CDYL2: variants seen among roughly 807,000 people sequenced by gnomAD.
The protein encoded by CDYL2 is chromodomain Y-like protein 2.
A neutral mutation model predicts 49.4 loss-of-function variants in CDYL2; 23 were observed. The observed-to-expected ratio is 0.47, with a 90% CI of 0.34 to 0.66. CDYL2 has a LOEUF of 0.66. Ranked by LOEUF, CDYL2 falls within the 30% of genes least tolerant of loss-of-function variation. The pLI, the probability that CDYL2 is intolerant of heterozygous loss-of-function variation, is 0.01. For synonymous variants in CDYL2, 360 were observed against 268.8 expected, an observed-to-expected ratio of 1.34 and a Z score of -3.32; for missense variants, 678 against 656.4, an observed-to-expected ratio of 1.03 and a Z score of -0.36.
intron 2 of CDYL2, among the ~76,000 whole-genome samples, chr16:80,669,644 G>A (rs1399424913): frequency 1.3e-5 from 2 of 152,128 alleles, no homozygotes; most frequent in Non-Finnish European, 1.5e-5. Context: ...CAGGAGGGTC[G>A]GTGGGCAAGA....
At chr16:80,739,796 A>G (rs541221988) in intron 1 of CDYL2, among the ~76,000 whole-genome samples, 105 of 152,304 alleles carry the variant, frequency 6.9e-4, no homozygotes, top group Non-Finnish European at 1.2e-3. Flanking sequence ...CCTGCCAATC[A>G]GGGAAACTCC....
At chr16:80,661,312 T>C (rs972852662) in intron 2 of CDYL2, among the ~76,000 whole-genome samples, 2 of 142,436 alleles carry the variant, frequency 1.4e-5, no homozygotes, top group Admixed American at 1.4e-4. Flanking sequence ...TATGGGCAGC[T>C]GGAGTAGAAG....
At chr16:80,609,090 C>A (rs1292564123) in intron 5 of CDYL2, among the ~76,000 whole-genome samples, 2 of 152,152 alleles carry the variant, frequency 1.3e-5, no homozygotes, top group Non-Finnish European at 2.9e-5. Flanking sequence ...GGTCTGGTGA[C>A]CTGGGATATC....
rs117895122 is a variant in CDYL2 at position 80,759,727 on chromosome 16, A to G, written c.24+44423T>C. 2.0e-5 allele frequency among the ~76,000 whole-genome samples: 3 copies of G among 152,354 alleles called. No homozygotes were observed. The East Asian group carries it at 5.8e-4, about 29-fold the overall frequency. On this transcript the variant is annotated intron_variant, in intron 1 of 6. Coordinates refer to ENST00000570137, the MANE Select transcript of CDYL2 (RefSeq NM_152342.4). ...GTGCATGAGGAAGAACTGCATTGAGAAAAAGTCAACACACGACTGCATAAC... is the reference window on the plus strand; with the variant it reads ...GTGCATGAGGAAGAACTGCATTGAGGAAAAGTCAACACACGACTGCATAAC...
chr16:80,783,188 A>G (rs1035175255), intron 1 of CDYL2, among the ~76,000 whole-genome samples: 1 of 152,192 alleles, frequency 6.6e-6, no homozygotes, highest in African/African-American at 2.4e-5. Context: ...AAACACCTCA[A>G]TTTGAAACTA....
chr16:80,605,776 C>A (rs1173561489), intron 6 of CDYL2, among the ~76,000 whole-genome samples: 1 of 152,122 alleles, frequency 6.6e-6, no homozygotes, highest in Non-Finnish European at 1.5e-5. Flanking sequence ...CCACTATGAT[C>A]ACCATTATCC....
At chr16:80,629,873 T>C (rs1040400580) in intron 3 of CDYL2, among the ~76,000 whole-genome samples, 3 of 152,224 alleles carry the variant, frequency 2.0e-5, no homozygotes, top group Admixed American at 6.5e-5. Flanking sequence ...TTAACAATGA[T>C]GGGAACATTT....
chr16:80,799,787 G>A (rs1424709052), intron 1 of CDYL2, among the ~76,000 whole-genome samples: 4 of 152,220 alleles, frequency 2.6e-5, no homozygotes, highest in African/African-American at 9.7e-5. Flanking sequence ...ACTTTCAAGA[G>A]GTGGGAGAAT....
intron 2 of CDYL2, chr16:80,670,827 T>C: frequency 4.5e-6 from 2 of 445,506 alleles, no homozygotes; most frequent in South Asian, 1.6e-5. Context: ...CACACCACAG[T>C]CGGGTTGCAC....
intron 1 of CDYL2, among the ~76,000 whole-genome samples, chr16:80,727,341 G>A (rs908240881): frequency 1.3e-5 from 2 of 152,340 alleles, no homozygotes; most frequent in Admixed American, 6.5e-5. Flanking sequence ...GTGACAGACG[G>A]CACCTGGAAA....
rs758561122 is a variant in CDYL2 at position 80,604,472 on chromosome 16, G to A, written c.1437C>T (p.Cys479=). ...AGCTCCAGAGCTGCTTGAGCATGAGGCATTCCTTCTCGTTCACGTCTTCCA... is the reference window on the plus strand; with the variant it reads ...AGCTCCAGAGCTGCTTGAGCATGAGACATTCCTTCTCGTTCACGTCTTCCA... ...SVLEDVNEKE[C]LMLKQLWSSS... is the part of the protein sequence containing the mutation. The change falls in exon 7 of 7, where the codon TGC becomes TGT. Residue 479 remains cysteine, a synonymous_variant. Transcript: ENST00000570137. The A allele has an allele frequency of 2.4e-5, 38 of 1,614,036 alleles. No individual in the cohort carries two copies. The highest frequency in any genetic ancestry group is 1.6e-4 in the Middle Eastern group (1 of 6,084).
chr16:80,649,823 T>G (rs1256843033), intron 2 of CDYL2, among the ~76,000 whole-genome samples: 1 of 152,064 alleles, frequency 6.6e-6, no homozygotes, highest in Non-Finnish European at 1.5e-5. Context: ...ACACCTACAG[T>G]GAACCCATTT....
At chr16:80,621,017 G>T in intron 3 of CDYL2, 82 bp from the exon 4 acceptor site, 2 of 1,416,954 alleles carry the variant, frequency 1.4e-6, no homozygotes, top group Non-Finnish European at 1.9e-6. Context: ...ACAGCCAGAG[G>T]CCTGACCCCC....
chr16:80,639,774 G>C (rs1486765514), intron 2 of CDYL2: 3 of 455,336 alleles, frequency 6.6e-6, no homozygotes, highest in Non-Finnish European at 1.3e-5. Flanking sequence ...TGAAGCAGTA[G>C]TGTGGTATGG....
intron 2 of CDYL2, among the ~76,000 whole-genome samples, chr16:80,653,330 T>G (rs1908667007): frequency 6.6e-6 from 1 of 152,106 alleles, no homozygotes; most frequent in Non-Finnish European, 1.5e-5. Context: ...CCGGGCATGG[T>G]GGTGCATGCC....
intron 1 of CDYL2, among the ~76,000 whole-genome samples, chr16:80,717,048 G>A (rs1162074966): frequency 2.6e-5 from 4 of 151,620 alleles, no homozygotes; most frequent in Non-Finnish European, 4.4e-5. Flanking sequence ...ATGCACGGAT[G>A]GATGGATAGA....
At chr16:80,706,271 G>T (rs1052030341) in intron 1 of CDYL2, among the ~76,000 whole-genome samples, 2 of 152,214 alleles carry the variant, frequency 1.3e-5, no homozygotes, top group African/African-American at 4.8e-5. Flanking sequence ...CAACAGGTTT[G>T]TGAAAAATGA....
chr16:80,787,932 G>A lies in CDYL2; in HGVS notation c.24+16218C>T, dbSNP rs113618213. 8.5e-3 allele frequency among the ~76,000 whole-genome samples: 1,292 copies of A among 152,236 alleles called. 23 individuals are homozygous for A. The highest frequency in any genetic ancestry group is 0.029 in the African/African-American group (1,219 of 41,532). ...GGATTATCTGCCTTACCCATAGGAA[G>A]TCTAGGCATCCTGAGCACAAACCCA... On this transcript the variant is annotated intron_variant, in intron 1 of 6. Coordinates refer to ENST00000570137, the MANE Select transcript of CDYL2 (RefSeq NM_152342.4).
chr16:80,789,192 A>G (rs1907531070), intron 1 of CDYL2, among the ~76,000 whole-genome samples: 1 of 152,332 alleles, frequency 6.6e-6, no homozygotes, highest in East Asian at 1.9e-4. Context: ...AATTAGTTCA[A>G]CCTCTATGGA....
Sources: allele counts gnomAD v4.1 joint callset (sites outside exome capture counted in the v4.1 genomes callset), GRCh38; gene constraint gnomAD v4.1.1; transcripts MANE v1.5; gene names NCBI Gene and HGNC (gene_info 2026-07-23, HGNC 2026-07-21).